The following SLC5A4 variants were observed in gnomAD, a reference collection of about 807,000 sequenced individuals.
The protein encoded by SLC5A4 is solute carrier family 5 member 4.
Under a neutral mutation model 70.3 loss-of-function variants are expected in SLC5A4, and 55 were observed. The observed-to-expected ratio is 0.78, with a 90% confidence interval of 0.63 to 0.98. SLC5A4 has a LOEUF of 0.98. SLC5A4 is among the 50% of genes least tolerant of loss of function. The pLI is 0.00. For missense variants in SLC5A4, 735 were observed against 839.2 expected (o/e 0.88, Z 1.53); for synonymous variants, 268 against 305.7 (o/e 0.88, Z 1.29).
the SLC5A4 span, among the ~76,000 whole-genome samples, chr22:32,353,096 G>A: frequency 2.6e-5 from 4 of 152,206 alleles, no homozygotes; most frequent in Non-Finnish European, 4.4e-5. Context: ...CGGTTTCAGC[G>A]AAGGCACTCA....
At position 32,232,912 on chromosome 22, in the gene SLC5A4, G is replaced by A; in HGVS notation, c.1008C>T (p.Arg336=). 1 of 1,614,052 alleles carries A rather than the reference G, an allele frequency of 6.2e-7. No individual in the cohort carries two copies. The highest frequency in any genetic ancestry group is 8.5e-7 in the Non-Finnish European group (1 of 1,179,974). The change falls in exon 9 of 15, where the codon CGC becomes CGT. Residue 336 remains arginine, a synonymous_variant. Coordinates refer to ENST00000266086, the MANE Select transcript of SLC5A4 (RefSeq NM_014227.3). ...TTCAGGGCTTACCTGTGTACAGGATGCGGCTGATCATCCCCGGCATCACCA... is the reference window on the plus strand; with the variant it reads ...TTCAGGGCTTACCTGTGTACAGGATACGGCTGATCATCCCCGGCATCACCA... ...FLMVMPGMIS[R]ILYTDMVACV... is the part of the protein sequence containing the mutation.
At chr22:32,343,577 T>C in the SLC5A4 span, among the ~76,000 whole-genome samples, 3 of 152,370 alleles carry the variant, frequency 2.0e-5, no homozygotes, top group East Asian at 5.8e-4. Flanking sequence ...TCTATTTCTC[T>C]TAGCTACTGT....
chr22:32,314,254 T>A, the SLC5A4 span, among the ~76,000 whole-genome samples: 4 of 152,186 alleles, frequency 2.6e-5, no homozygotes, highest in Non-Finnish European at 5.9e-5. Flanking sequence ...AGCACACACC[T>A]CTATCCAGCA....
the SLC5A4 span, among the ~76,000 whole-genome samples, chr22:32,306,247 C>G: frequency 2.0e-5 from 3 of 152,056 alleles, no homozygotes; most frequent in Admixed American, 6.6e-5. Context: ...AGGCAGATCA[C>G]GAGGTTAGGA....
the SLC5A4 span, among the ~76,000 whole-genome samples, chr22:32,323,959 G>C: frequency 7.0e-4 from 106 of 152,218 alleles, no homozygotes; most frequent in Non-Finnish European, 1.1e-3. Flanking sequence ...TTTGGCAGAG[G>C]CCTCCCGATG....
chr22:32,256,156 A>T (rs1325048607), upstream of SLC5A4, among the ~76,000 whole-genome samples: 1 of 152,120 alleles, frequency 6.6e-6, no homozygotes, highest in Non-Finnish European at 1.5e-5. Context: ...GTCTCTATAA[A>T]AATTAGCTGA....
At chr22:32,272,500 C>G in the SLC5A4 span, 1 of 710,626 alleles carries the variant, frequency 1.4e-6, no homozygotes, top group Admixed American at 2.1e-5. Flanking sequence ...CATCTGGCTG[C>G]TGTTACCAGG....
chr22:32,261,402 G>T, the SLC5A4 span, among the ~76,000 whole-genome samples: 2 of 152,192 alleles, frequency 1.3e-5, no homozygotes, highest in Non-Finnish European at 2.9e-5. Context: ...GTCCACCTTC[G>T]TTGTTCCCAG....
At chr22:32,263,912 A>C in the SLC5A4 span, among the ~76,000 whole-genome samples, 79 of 152,318 alleles carry the variant, frequency 5.2e-4, no homozygotes, top group South Asian at 2.1e-3. Flanking sequence ...ACATGGATTA[A>C]GCTGGGAACC....
At chr22:32,334,483 G>A in the SLC5A4 span, among the ~76,000 whole-genome samples, 3 of 152,170 alleles carry the variant, frequency 2.0e-5, no homozygotes, top group African/African-American at 7.2e-5. Flanking sequence ...ACTGCCTGGG[G>A]CACAGTGATG....
the SLC5A4 span, among the ~76,000 whole-genome samples, chr22:32,260,702 G>A: frequency 6.6e-6 from 1 of 152,066 alleles, no homozygotes; most frequent in African/African-American, 2.4e-5. Flanking sequence ...GGAGTTAGAT[G>A]AAAAACCCAA....
At chr22:32,287,461 T>A in the SLC5A4 span, among the ~76,000 whole-genome samples, 1 of 78,474 alleles carries the variant, frequency 1.3e-5, no homozygotes, top group Non-Finnish European at 2.6e-5. Context: ...TCTCTCCGTT[T>A]AAAAGTGTTT....
chr22:32,234,347 T>C (rs1218424174), intron 8 of SLC5A4, among the ~76,000 whole-genome samples: 1 of 152,076 alleles, frequency 6.6e-6, no homozygotes, highest in Non-Finnish European at 1.5e-5. Context: ...GGACAAGAAA[T>C]AGGGTGGAAA....
At chr22:32,326,307 C>T in the SLC5A4 span, among the ~76,000 whole-genome samples, 1 of 151,106 alleles carries the variant, frequency 6.6e-6, no homozygotes, top group Non-Finnish European at 1.5e-5. Flanking sequence ...CTCTGTCGCC[C>T]AGGCAATGGC....
At chr22:32,351,755 G>GT in the SLC5A4 span, among the ~76,000 whole-genome samples, 2 of 78,130 alleles carry the variant, frequency 2.6e-5, no homozygotes, top group South Asian at 7.2e-4. Flanking sequence ...GGGCGGGGGG[G>GT]GGGTGGGCGG....
At chr22:32,332,548 G>A in the SLC5A4 span, among the ~76,000 whole-genome samples, 84,413 of 151,998 alleles carry the variant, frequency 0.56, 23,497 homozygotes, top group South Asian at 0.63. Flanking sequence ...CTTATCCTGC[G>A]GGCCTTCTGG....
chr22:32,252,135 C>A (rs1045358517), intron 2 of SLC5A4, among the ~76,000 whole-genome samples: 4 of 150,796 alleles, frequency 2.7e-5, no homozygotes, highest in African/African-American at 9.8e-5. Flanking sequence ...GAGGCTGAGG[C>A]AGGAGAATGG....
the SLC5A4 span, chr22:32,272,568 G>A: frequency 2.0e-5 from 13 of 638,056 alleles, no homozygotes; most frequent in African/African-American, 9.1e-5. Context: ...GGTGTACAGC[G>A]TGGACTTCAT....
upstream of SLC5A4, among the ~76,000 whole-genome samples, chr22:32,258,337 A>C (rs1277667460): frequency 6.6e-6 from 1 of 152,206 alleles, no homozygotes; most frequent in African/African-American, 2.4e-5. Context: ...TGTTGAATAG[A>C]GGAAGTATGG....
Sources: allele counts gnomAD v4.1 joint callset (sites outside exome capture counted in the v4.1 genomes callset), GRCh38; gene constraint gnomAD v4.1.1; transcripts MANE v1.5; gene names NCBI Gene and HGNC (gene_info 2026-07-23, HGNC 2026-07-21).